Variants in PSG11 observed in about 807,000 individuals in gnomAD.
PSG11 encodes pregnancy-specific beta-1-glycoprotein 11.
In PSG11, 42 loss-of-function variants were observed where a neutral mutation model predicts 36.0. That is an observed-to-expected ratio of 1.17 (90% CI 0.91 to 1.51). The LOEUF (loss-of-function observed/expected upper bound fraction) is 1.51, where lower values mean the gene tolerates loss of function less well. PSG11 is among the 40% of genes most tolerant of loss of function. The pLI is 0.00. For synonymous variants in PSG11, 206 were observed against 153.5 expected (o/e 1.34, Z -2.53); for missense variants, 558 against 403.5 (o/e 1.38, Z -3.28).
chr19:43,018,879 C>G lies in PSG11; in HGVS notation c.600G>C (p.Arg200Ser). ...THRMQLSETN[R>S]TLFLFGVTKY... is the part of the protein sequence containing the mutation. ...TTGTGACACCAAATAGAAAGAGGGT[C>G]CTGTTGGTTTCAGACAGCTGCATCC... The change falls in exon 3 of 6, where the codon AGG becomes AGC. Residue 200 changes from arginine to serine, a missense_variant. Physicochemically the swap from Arg to Ser is moderately radical, Grantham distance 110 (BLOSUM62 -1). Transcript: ENST00000320078. The G allele has an allele frequency of 1.2e-6, 2 of 1,611,976 alleles. No homozygotes were observed. Among genetic ancestry groups the G allele is most frequent in the East Asian group, 2.2e-5 (1 of 44,804 alleles).
intron 4 of PSG11, chr19:43,014,502 CG>C: frequency 1.0e-6 from 1 of 977,440 alleles, no homozygotes; most frequent in Non-Finnish European, 1.2e-6. Flanking sequence ...CAGCCTGGCC[CG>C]GGGGAGGCTT....
rs192651000 is a variant in PSG11, at chr19:43,008,940, C to A, written c.*41-898G>T. ...ACCAATGCCTGGGTCCGTCTCCAGA[C>A]CTTTAAACTGGAACTAATGGGTGGG... On this transcript the variant is annotated intron_variant, in intron 5 of 5. Coordinates refer to ENST00000320078, the MANE Select transcript of PSG11 (RefSeq NM_002785.3). Among the ~76,000 whole-genome samples, 8 of 151,154 alleles carry A rather than the reference C, an allele frequency of 5.3e-5. No homozygotes were observed. The East Asian group carries it at 1.4e-3, about 26-fold the overall frequency.
chr19:43,022,089 T>G (rs1024134360), intron 2 of PSG11, among the ~76,000 whole-genome samples: 10 of 151,560 alleles, frequency 6.6e-5, no homozygotes, highest in East Asian at 1.9e-4. Flanking sequence ...GCCCAGGGAC[T>G]GCCTTTGTCA....
rs1390442287 is a variant in PSG11 at position 43,018,670 on chromosome 19, G to A, written c.709+100C>T. On this transcript the variant is annotated intron_variant, in intron 3 of 5. Transcript: ENST00000320078. ...GCCAGCTTTGATGTCCAGTGGTAAA[G>A]GTCTCTGTACTTGGACCTGAGAGGG... 6.2e-6 allele frequency: 10 copies of A among 1,605,020 alleles called. 1 individual carries two copies. The highest frequency in any genetic ancestry group is 1.7e-5 in the Admixed American group (1 of 59,818).
intron 5 of PSG11, among the ~76,000 whole-genome samples, chr19:43,008,964 G>C (rs367844026): frequency 6.6e-6 from 1 of 150,934 alleles, no homozygotes; most frequent in Non-Finnish European, 1.5e-5. Context: ...CTAATGGGTG[G>C]GGCTTGAGCA....
chr19:43,021,741 G>A (rs1599679330), intron 2 of PSG11, among the ~76,000 whole-genome samples: 1 of 151,494 alleles, frequency 6.6e-6, no homozygotes, highest in Non-Finnish European at 1.5e-5. Context: ...CTTGTCATAT[G>A]CCTGACACGA....
chr19:43,011,486 T>G (rs1220169470), intron 4 of PSG11, among the ~76,000 whole-genome samples: 1 of 151,020 alleles, frequency 6.6e-6, no homozygotes, highest in Non-Finnish European at 1.5e-5. Context: ...AATAGAGAAA[T>G]TAATGAAACC....
intron 3 of PSG11, among the ~76,000 whole-genome samples, chr19:43,016,247 G>C (rs929446516): frequency 2.6e-5 from 4 of 151,318 alleles, no homozygotes; most frequent in African/African-American, 9.8e-5. Flanking sequence ...TCTTAGGAAA[G>C]CACAGACTTT....
At position 43,026,067 on chromosome 19, in the gene PSG11, G is replaced by T. The variant is rs1179266077; in HGVS notation, c.64+242C>A. On this transcript the variant is annotated intron_variant, in intron 1 of 5. Transcript: ENST00000320078. ...CGTGATTCTCCTGCCTTGGCCTCCTGAGTAGCTAGGATTACAGGAGCACAC... is the reference window on the plus strand; with the variant it reads ...CGTGATTCTCCTGCCTTGGCCTCCTTAGTAGCTAGGATTACAGGAGCACAC... 2.0e-5 allele frequency among the ~76,000 whole-genome samples: 3 copies of T among 148,340 alleles called. 1 individual carries two copies. The highest frequency in any genetic ancestry group is 7.5e-5 in the African/African-American group (3 of 39,812).
In PSG11 at chr19:43,013,791, A is replaced by T. The variant is rs1318489706; in HGVS notation, c.964+1325T>A. ...TCTGGACATACTCCCCATAGAATTG[A>T]AAGAAATTTGAACAAATATTTGTAC... On this transcript the variant is annotated intron_variant, in intron 4 of 5. Transcript: ENST00000320078. 7.3e-5 allele frequency among the ~76,000 whole-genome samples: 11 copies of T among 151,446 alleles called. No homozygotes were observed. In the South Asian group the frequency reaches 2.3e-3, roughly 32 times the overall value.
intron 4 of PSG11, among the ~76,000 whole-genome samples, chr19:43,011,130 T>C (rs1599668022): frequency 6.6e-6 from 1 of 151,160 alleles, no homozygotes; most frequent in African/African-American, 2.4e-5. Flanking sequence ...CTAGGACTAT[T>C]TGACCTCAAG....
rs755377025 is a variant in PSG11, at chr19:43,024,902, C to T, written c.219G>A (p.Arg73=). 10 of 1,611,568 alleles carry T rather than the reference C, an allele frequency of 6.2e-6. No individual in the cohort carries two copies. In the South Asian group the frequency reaches 1.1e-4, roughly 18 times the overall value. ...ATGATGTAATGTAATGGTAGAGGTC[C>T]CTGATTTGCCCTTTGTACCAGATGT... ...TGYIWYKGQI[R]DLYHYITSYV... Residue 73 remains arginine, a synonymous_variant, in exon 2 of 6, where the codon AGG becomes AGA. Coordinates refer to ENST00000320078, the MANE Select transcript of PSG11 (RefSeq NM_002785.3).
intron 4 of PSG11, chr19:43,010,358 G>C: frequency 6.5e-7 from 1 of 1,532,642 alleles, no homozygotes; most frequent in East Asian, 2.4e-5. Context: ...TTTCATGGTT[G>C]CATCTTTTTC....
intron 3 of PSG11, among the ~76,000 whole-genome samples, chr19:43,017,843 C>A (rs1480346804): frequency 2.0e-5 from 3 of 151,434 alleles, no homozygotes; most frequent in Non-Finnish European, 4.4e-5. Context: ...TAAACTTATT[C>A]CAAAATATTT....
rs180804759 is a variant in PSG11, at chr19:43,024,035, T to C, written c.430+656A>G. Among the ~76,000 whole-genome samples, 8 of 151,566 alleles carry C rather than the reference T, an allele frequency of 5.3e-5. No homozygotes were observed. In the East Asian group the frequency reaches 1.6e-3, roughly 29 times the overall value. The stretch of plus-strand genomic sequence containing the variant: ...ACATTAGACTTTCTATGGACTGTCC[T>C]AAGCCTCCTAAGGCAGTTGGCTGAT... On this transcript the variant is annotated intron_variant, in intron 2 of 5. Coordinates refer to ENST00000320078, the MANE Select transcript of PSG11 (RefSeq NM_002785.3).
chr19:43,009,341 A>G (rs1035433314), intron 5 of PSG11, among the ~76,000 whole-genome samples: 1 of 151,338 alleles, frequency 6.6e-6, no homozygotes, highest in African/African-American at 2.4e-5. Context: ...CTCTGTTTTT[A>G]GACATAGCAT....
In PSG11 at chr19:43,018,866, A is replaced by T. The variant is rs753677133; in HGVS notation, c.613T>A (p.Phe205Ile). ...LSETNRTLFL[F>I]GVTKYTAGPY... The stretch of plus-strand genomic sequence containing the variant: ...CCTGCAGTATACTTTGTGACACCAA[A>T]TAGAAAGAGGGTCCTGTTGGTTTCA... Residue 205 changes from phenylalanine to isoleucine, a missense_variant, in exon 3 of 6, where the codon TTT becomes ATT. Transcript: ENST00000320078. The T allele has an allele frequency of 6.2e-7, 1 of 1,612,076 alleles. No homozygotes were observed. The highest frequency in any genetic ancestry group is 1.1e-5 in the South Asian group (1 of 90,848).
chr19:43,014,449 C>A, intron 4 of PSG11: 1 of 965,366 alleles, frequency 1.0e-6, no homozygotes, highest in Non-Finnish European at 1.2e-6. Context: ...CAGGACGCAG[C>A]TCAGGAGTCT....
At chr19:43,016,072 T>A (rs553161848) in intron 3 of PSG11, 2 of 1,591,646 alleles carry the variant, frequency 1.3e-6, no homozygotes, top group African/African-American at 2.7e-5. Context: ...GAGAAGATTG[T>A]CCTGTGTGGC....
Sources: gnomAD v4.1 joint callset for allele counts (sites outside exome capture counted in the v4.1 genomes callset) on GRCh38, gnomAD v4.1.1 for gene constraint, MANE v1.5 for transcripts, NCBI Gene and HGNC (gene_info 2026-07-23, HGNC 2026-07-21) for gene names.